The following CAPG variants were observed in gnomAD, a reference collection of about 807,000 sequenced individuals.
CAPG encodes capping actin protein, gelsolin like, also known as macrophage-capping protein.
A neutral mutation model predicts 44.6 loss-of-function variants in CAPG; 32 were observed. The observed-to-expected ratio is 0.72, with a 90% CI of 0.54 to 0.96. The LOEUF (loss-of-function observed/expected upper bound fraction) is 0.96. Ranked by LOEUF, CAPG falls within the 50% of genes least tolerant of loss-of-function variation. CAPG has a pLI of 0.00. For missense variants in CAPG, 412 were observed against 438.3 expected (o/e 0.94, Z 0.54); for synonymous variants, 175 against 179.6 (o/e 0.97, Z 0.20).
intron 5 of CAPG, among the ~76,000 whole-genome samples, chr2:85,400,842 G>A (rs925150272): frequency 1.3e-5 from 2 of 152,134 alleles, no homozygotes; most frequent in Non-Finnish European, 2.9e-5. Context: ...TATGGTCCCT[G>A]TGCTGGCTCA....
chr2:85,415,953 G>C (rs1296847153), intron 1 of CAPG, among the ~76,000 whole-genome samples: 1 of 152,140 alleles, frequency 6.6e-6, no homozygotes, highest in Non-Finnish European at 1.5e-5. Context: ...CTGAGCTCAA[G>C]TGATCCTCCT....
chr2:85,393,989 TG>T (rs1686479270), downstream of CAPG, among the ~76,000 whole-genome samples: 3 of 152,346 alleles, frequency 2.0e-5, no homozygotes, highest in South Asian at 2.1e-4. Flanking sequence ...CCAGAGGACC[TG>T]GGGGTGAGGA....
At chr2:85,412,732 G>A (rs1366323848), upstream of CAPG, among the ~76,000 whole-genome samples, 1 of 152,268 alleles carries the variant, frequency 6.6e-6, no homozygotes, top group East Asian at 1.9e-4. Context: ...TAGTCTGGGT[G>A]AGAATCCCAG....
In CAPG at chr2:85,395,010, T is replaced by A. The variant is rs1462078362; in HGVS notation, c.982-52A>T. The A allele has an allele frequency of 7.6e-7, 1 of 1,317,398 alleles. No individual in the cohort carries two copies. The highest frequency in any genetic ancestry group is 1.2e-5 in the South Asian group (1 of 84,534). 81.6% of individuals were successfully genotyped at this position (1,317,398 alleles called of 1,614,324 possible). A position where few individuals can be genotyped will look rare whatever the true frequency, so the allele number is the denominator to read the frequency against. On this transcript the variant is annotated intron_variant, in intron 9 of 9. Coordinates refer to ENST00000263867, the MANE Select transcript of CAPG (RefSeq NM_001747.4). The surrounding 1 kb of genome is among the most constrained non-coding windows in gnomAD (Gnocchi z 4.3). ...GGTTCACAAAGTTGCCACCTCTGCC[T>A]CTGCCCAGGAGGACAGGAGGGGGCC...
chr2:85,399,067 G>A (rs912737828), intron 6 of CAPG, 69 bp downstream of exon 6: 176 of 1,550,436 alleles, frequency 1.1e-4, no homozygotes, highest in Non-Finnish European at 1.5e-4. Context: ...TCAGCCCTCA[G>A]CTCATCACCA....
At chr2:85,403,506 A>T (rs1225809052) in intron 1 of CAPG, among the ~76,000 whole-genome samples, 1 of 152,248 alleles carries the variant, frequency 6.6e-6, no homozygotes, top group Non-Finnish European at 1.5e-5. Flanking sequence ...TATGCTGCCA[A>T]CATTCTCCTG....
downstream of CAPG, among the ~76,000 whole-genome samples, chr2:85,394,421 C>T (rs1686489899): frequency 6.6e-6 from 1 of 152,244 alleles, no homozygotes; most frequent in African/African-American, 2.4e-5. Flanking sequence ...TCACTTGAAG[C>T]TGCCTGGCAG....
At chr2:85,402,414 C>T (rs1686948212) in intron 1 of CAPG, among the ~76,000 whole-genome samples, 1 of 152,124 alleles carries the variant, frequency 6.6e-6, no homozygotes, top group South Asian at 2.1e-4. Context: ...TGAGATCTCA[C>T]AGAAATTAAA....
chr2:85,399,063 C>A, intron 6 of CAPG, 73 bp downstream of exon 6: 1 of 1,542,718 alleles, frequency 6.5e-7, no homozygotes, highest in South Asian at 1.2e-5. Context: ...ACTCTCAGCC[C>A]TCAGCTCATC....
At chr2:85,414,190 A>G (rs1224408582), upstream of CAPG, 1 of 152,294 alleles carries the variant, frequency 6.6e-6, no homozygotes, top group Non-Finnish European at 1.5e-5. Context: ...GCTAAGGACA[A>G]GCTTACTGTG....
intron 1 of CAPG, among the ~76,000 whole-genome samples, chr2:85,409,570 A>G (rs373638370): frequency 6.6e-6 from 1 of 151,994 alleles, no homozygotes; most frequent in African/African-American, 2.4e-5. Flanking sequence ...GAAATGAAAC[A>G]GCACCTCCAC....
Position 85,399,063 on chromosome 2 carries a change from C to T in CAPG, c.666+73G>A, listed in dbSNP as rs548823393. 282 of 1,542,718 alleles carry T rather than the reference C, an allele frequency of 1.8e-4. No individual in the cohort carries two copies. The African/African-American group carries it at 3.5e-3, about 19-fold the overall frequency. The stretch of plus-strand genomic sequence containing the variant: ...CACCCTCCACCGGCCACTCTCAGCC[C>T]TCAGCTCATCACCACCTCTCTTGGC... On this transcript the variant is annotated intron_variant, in intron 6 of 9. Transcript: ENST00000263867.
At chr2:85,412,188 G>A (rs1687433627), upstream of CAPG, among the ~76,000 whole-genome samples, 1 of 152,150 alleles carries the variant, frequency 6.6e-6, no homozygotes, top group African/African-American at 2.4e-5. Context: ...GCATCCAAGT[G>A]TCTCCATGGC....
upstream of CAPG, among the ~76,000 whole-genome samples, chr2:85,419,433 C>G (rs999532862): frequency 6.6e-6 from 1 of 152,230 alleles, no homozygotes; most frequent in African/African-American, 2.4e-5. Context: ...AAGCCAGGAA[C>G]TCAGGGTCCG....
At chr2:85,400,879 G>A (rs1273004082) in intron 5 of CAPG, among the ~76,000 whole-genome samples, 2 of 152,194 alleles carry the variant, frequency 1.3e-5, no homozygotes, top group African/African-American at 4.8e-5. Context: ...TTCACTGAAC[G>A]AAGAGATAAA....
chr2:85,399,745 T>C (rs1023924869), intron 5 of CAPG, among the ~76,000 whole-genome samples: 3 of 149,742 alleles, frequency 2.0e-5, no homozygotes, highest in Non-Finnish European at 4.5e-5. Flanking sequence ...TTTTTCTTTT[T>C]TTTTTTTTTT....
rs1686867260 is a variant in CAPG at position 85,401,212 on chromosome 2, A to G, written c.469T>C (p.Trp157Arg). The change falls in exon 5 of 10, where the codon TGG (tryptophan) becomes CGG (arginine). Residue 157 changes from tryptophan to arginine, a missense_variant. Coordinates refer to ENST00000263867, the MANE Select transcript of CAPG (RefSeq NM_001747.4). ...NIRATERALN[W>R]DSFNTGDCFI... is the part of the protein sequence containing the mutation. ...CAGTCCCCAGTGTTGAAGCTGTCCC[A>G]GTTCAGTGCCCGCTCGGTGGCACGG... The G allele has an allele frequency of 6.2e-7, 1 of 1,614,166 alleles. No individual in the cohort carries two copies. Among genetic ancestry groups the G allele is most frequent in the Non-Finnish European group, 8.5e-7 (1 of 1,180,026 alleles).
At chr2:85,415,377 T>C (rs1453374809) in intron 1 of CAPG, among the ~76,000 whole-genome samples, 1 of 152,238 alleles carries the variant, frequency 6.6e-6, no homozygotes, top group East Asian at 1.9e-4. Flanking sequence ...CCAGGCATAG[T>C]CCTTCCAGAG....
chr2:85,406,338 C>T (rs1192895680), intron 1 of CAPG, among the ~76,000 whole-genome samples: 4 of 152,040 alleles, frequency 2.6e-5, no homozygotes, highest in African/African-American at 9.7e-5. Flanking sequence ...GACAAAGATT[C>T]TTTGCTTGGC....
Sources: gnomAD v4.1 joint callset for allele counts (sites outside exome capture counted in the v4.1 genomes callset) on GRCh38, gnomAD v4.1.1 for gene constraint, Gnocchi (gnomAD v3.1) non-coding constraint, MANE v1.5 for transcripts, NCBI Gene and HGNC (gene_info 2026-07-23, HGNC 2026-07-21) for gene names.